The following LINGO1 variants were observed in gnomAD, a reference collection of about 807,000 sequenced individuals.
LINGO1 encodes the protein leucine-rich repeat and immunoglobulin-like domain-containing nogo receptor-interacting protein 1.
In LINGO1, 11 loss-of-function variants were observed where a neutral mutation model predicts 37.3. The ratio of observed to expected loss-of-function variants is 0.29; its 90% CI spans 0.19 to 0.49. The LOEUF is 0.49. LINGO1 is among the 20% of genes least tolerant of loss of function. The pLI, the probability that LINGO1 is intolerant of heterozygous loss-of-function variation, is 0.99. For synonymous variants in LINGO1, 387 were observed against 403.0 expected (o/e 0.96, Z 0.48); for missense variants, 585 against 878.2 (o/e 0.67, Z 4.22).
intron 1 of LINGO1, among the ~76,000 whole-genome samples, chr15:77,815,167 T>C (rs2077037221): frequency 6.6e-6 from 1 of 152,142 alleles, no homozygotes; most frequent in Non-Finnish European, 1.5e-5. Flanking sequence ...GCAGCTGCTA[T>C]CCCTCCTCCA....
At chr15:77,811,257 A>C (rs936860732) in intron 1 of LINGO1, among the ~76,000 whole-genome samples, 1 of 152,210 alleles carries the variant, frequency 6.6e-6, no homozygotes, top group African/African-American at 2.4e-5. Flanking sequence ...ATTAAACAAT[A>C]AACAAGAAGT....
At chr15:77,693,738 CA>C (rs2075644211) in intron 1 of LINGO1, among the ~76,000 whole-genome samples, 1 of 152,092 alleles carries the variant, frequency 6.6e-6, no homozygotes, top group East Asian at 1.9e-4. Flanking sequence ...AGGGAGGAAA[CA>C]GATTCGGGCA....
chr15:77,788,371 C>T (rs572332592), upstream of LINGO1: 3 of 152,346 alleles, frequency 2.0e-5, no homozygotes, highest in Non-Finnish European at 4.4e-5. Flanking sequence ...ACTTTATCCA[C>T]GCAAGGTAGA....
intron 2 of LINGO1, among the ~76,000 whole-genome samples, chr15:77,794,894 G>A (rs1001865058): frequency 6.6e-6 from 1 of 152,094 alleles, no homozygotes. Flanking sequence ...TCGGAGCAAG[G>A]CCTAGTGCCT....
At chr15:77,693,097 C>T (rs1475558459) in intron 1 of LINGO1, among the ~76,000 whole-genome samples, 2 of 152,236 alleles carry the variant, frequency 1.3e-5, no homozygotes, top group African/African-American at 4.8e-5. Context: ...CACGCACACA[C>T]ACAAAACTGT....
chr15:77,791,119 C>T (rs1188781323), upstream of LINGO1, among the ~76,000 whole-genome samples: 1 of 152,160 alleles, frequency 6.6e-6, no homozygotes, highest in African/African-American at 2.4e-5. Flanking sequence ...TGATGCAGAG[C>T]CAGGCTTGGA....
intron 1 of LINGO1, among the ~76,000 whole-genome samples, chr15:77,745,298 C>A: frequency 6.6e-6 from 1 of 151,556 alleles, no homozygotes; most frequent in East Asian, 1.9e-4. Context: ...TGGTGGTGGG[C>A]GCTTGTAGTC....
upstream of LINGO1, chr15:77,788,082 C>G (rs2076789374): frequency 6.6e-6 from 1 of 152,270 alleles, no homozygotes; most frequent in Admixed American, 6.5e-5. Flanking sequence ...CGTGGGCATG[C>G]CTGCTCCATA....
At chr15:77,616,826 A>G (rs2073740999) in intron 1 of LINGO1, among the ~76,000 whole-genome samples, 1 of 152,074 alleles carries the variant, frequency 6.6e-6, no homozygotes, top group South Asian at 2.1e-4. Context: ...TTCCATCCAC[A>G]AGGCCTAATT....
At chr15:77,755,771 G>C (rs2076413008) in intron 1 of LINGO1, among the ~76,000 whole-genome samples, 1 of 152,096 alleles carries the variant, frequency 6.6e-6, no homozygotes, top group Non-Finnish European at 1.5e-5. Flanking sequence ...GCCTTTGTCA[G>C]TGGCCCCACC....
At chr15:77,765,775 G>A (rs761931658) in intron 1 of LINGO1, among the ~76,000 whole-genome samples, 35 of 152,130 alleles carry the variant, frequency 2.3e-4, no homozygotes, top group Non-Finnish European at 3.4e-4. Flanking sequence ...TCTCCCACTC[G>A]CTCCAGAAGA....
intron 1 of LINGO1, among the ~76,000 whole-genome samples, chr15:77,739,888 A>G (rs907572560): frequency 1.3e-5 from 2 of 152,222 alleles, no homozygotes; most frequent in African/African-American, 4.8e-5. Context: ...CCAATGCATC[A>G]GCCAGCAGCC....
intron 1 of LINGO1, among the ~76,000 whole-genome samples, chr15:77,760,591 C>T (rs1326566777): frequency 3.3e-5 from 5 of 152,246 alleles, no homozygotes; most frequent in African/African-American, 4.8e-5. Flanking sequence ...CAGTTATCCA[C>T]GGTCCTTATC....
At chr15:77,736,648 C>T (rs1365572317) in intron 1 of LINGO1, among the ~76,000 whole-genome samples, 3 of 152,104 alleles carry the variant, frequency 2.0e-5, no homozygotes, top group Admixed American at 1.3e-4. Flanking sequence ...GTGGTGTGCA[C>T]CTGTGGTCCT....
At chr15:77,698,155 G>A (rs2075721100), upstream of LINGO1, among the ~76,000 whole-genome samples, 1 of 152,100 alleles carries the variant, frequency 6.6e-6, no homozygotes. Flanking sequence ...ATGAGGGAGG[G>A]TTCTGGGAGG....
chr15:77,692,480 T>C (rs2075621235), intron 1 of LINGO1, among the ~76,000 whole-genome samples: 1 of 152,132 alleles, frequency 6.6e-6, no homozygotes, highest in Non-Finnish European at 1.5e-5. Flanking sequence ...ACGGAAAAAG[T>C]TCAAGAAGTA....
chr15:77,762,801 G>A (rs1188561030), intron 1 of LINGO1, among the ~76,000 whole-genome samples: 28 of 150,610 alleles, frequency 1.9e-4, no homozygotes, highest in Non-Finnish European at 4.5e-5. Flanking sequence ...GGGACCACCC[G>A]TGCCTGCCAA....
At chr15:77,801,007 T>C (rs1000229184) in intron 1 of LINGO1, among the ~76,000 whole-genome samples, 3 of 152,252 alleles carry the variant, frequency 2.0e-5, no homozygotes, top group East Asian at 1.9e-4. Context: ...ATTTAAATGA[T>C]TGATAACAAG....
Position 77,719,420 on chromosome 15 carries a change from C to T in LINGO1, c.-195+15572G>A, listed in dbSNP as rs533151615. Among the ~76,000 whole-genome samples the T allele has an allele frequency of 4.9e-4, 74 of 150,098 alleles. 1 individual carries two copies. The highest frequency in any genetic ancestry group is 8.9e-5 in the Non-Finnish European group (6 of 67,402). On this transcript the variant is annotated intron_variant, in intron 2 of 3. Coordinates refer to the LINGO1 transcript ENST00000561686. ...CTCCATGTAAGATCATCCCCCGCCT[C>T]CACCCTCACAGGCAGATCAGAGCCA...
Sources: allele counts gnomAD v4.1 joint callset (sites outside exome capture counted in the v4.1 genomes callset), GRCh38; gene constraint gnomAD v4.1.1; transcripts MANE v1.5; gene names NCBI Gene and HGNC (gene_info 2026-07-23, HGNC 2026-07-21).